PLPPR5: variants seen among roughly 807,000 people sequenced by gnomAD.
The protein encoded by PLPPR5 is phospholipid phosphatase-related protein type 5.
In PLPPR5, 16 loss-of-function variants were observed where a neutral mutation model predicts 33.9. That is an observed-to-expected ratio of 0.47 (90% CI 0.32 to 0.72). The LOEUF (loss-of-function observed/expected upper bound fraction) is 0.72. Ranked by LOEUF, PLPPR5 falls within the 30% of genes least tolerant of loss-of-function variation. The pLI, the probability that PLPPR5 is intolerant of heterozygous loss-of-function variation, is 0.03. For synonymous variants in PLPPR5, 163 were observed against 150.3 expected (o/e 1.08, Z -0.62); for missense variants, 301 against 406.7 (o/e 0.74, Z 2.23).
At chr1:98,916,168 A>C (rs908550340) in intron 4 of PLPPR5, among the ~76,000 whole-genome samples, 1 of 152,210 alleles carries the variant, frequency 6.6e-6, no homozygotes, top group East Asian at 1.9e-4. Flanking sequence ...GTTTTTAAAT[A>C]AAATTTACAA....
chr1:98,941,044 G>C (rs752839041), intron 3 of PLPPR5, among the ~76,000 whole-genome samples: 2 of 151,830 alleles, frequency 1.3e-5, no homozygotes, highest in Non-Finnish European at 2.9e-5. Flanking sequence ...GTCTGGAGCT[G>C]AAGAGAGAGG....
At chr1:98,981,592 C>T (rs1408459684) in intron 1 of PLPPR5, among the ~76,000 whole-genome samples, 1 of 152,042 alleles carries the variant, frequency 6.6e-6, no homozygotes, top group East Asian at 1.9e-4. Flanking sequence ...TATACTAATA[C>T]AGGGATCCTT....
At chr1:98,926,514 C>A (rs895730200) in intron 3 of PLPPR5, among the ~76,000 whole-genome samples, 1 of 147,388 alleles carries the variant, frequency 6.8e-6, no homozygotes, top group African/African-American at 2.5e-5. Context: ...AACTTCATAG[C>A]ATTATTGGTC....
chr1:98,902,404 A>G (rs1448207723), intron 5 of PLPPR5, among the ~76,000 whole-genome samples: 1 of 152,118 alleles, frequency 6.6e-6, no homozygotes, highest in African/African-American at 2.4e-5. Flanking sequence ...CCCCATAGAT[A>G]CTTCCTATTC....
At chr1:98,990,740 C>T (rs1652423019) in intron 1 of PLPPR5, 1 of 151,872 alleles carries the variant, frequency 6.6e-6, no homozygotes, top group African/African-American at 2.4e-5. Context: ...ACTTTATAAC[C>T]TAGGCCTCTA....
chr1:98,968,789 A>G (rs145551256), intron 1 of PLPPR5, among the ~76,000 whole-genome samples: 254 of 152,182 alleles, frequency 1.7e-3, no homozygotes, highest in Middle Eastern at 6.8e-3. Flanking sequence ...GCATCATTTT[A>G]TTGTATTCAG....
In PLPPR5 at chr1:98,939,287, TA is replaced by T. The variant is rs1394977884; in HGVS notation, c.621+13782del. ...GTTATTACTGAAAATAATTTTTCCA[TA>T]TAGAGGAAGGGATGCTAAAAGTGAT... On this transcript the variant is annotated intron_variant, in intron 3 of 5. Transcript: ENST00000263177. Among the ~76,000 whole-genome samples the T allele has an allele frequency of 3.7e-3, 558 of 149,708 alleles. 4 individuals carry two copies. Among genetic ancestry groups the T allele is most frequent in the Admixed American group, 5.7e-3 (85 of 15,038 alleles).
At chr1:98,962,650 T>C (rs946560704) in intron 1 of PLPPR5, among the ~76,000 whole-genome samples, 6 of 152,140 alleles carry the variant, frequency 3.9e-5, no homozygotes, top group African/African-American at 1.2e-4. Context: ...CCAAATTTTC[T>C]TTTCTTTTTC....
intron 1 of PLPPR5, among the ~76,000 whole-genome samples, chr1:99,003,768 G>A (rs143633931): frequency 6.6e-6 from 1 of 152,284 alleles, no homozygotes; most frequent in Non-Finnish European, 1.5e-5. Context: ...CCCAGGGAGC[G>A]GAGCAGCCTT....
intron 1 of PLPPR5, among the ~76,000 whole-genome samples, chr1:98,972,765 T>C (rs1055189297): frequency 2.6e-5 from 4 of 152,038 alleles, no homozygotes; most frequent in African/African-American, 7.2e-5. Context: ...CCTCAAGTGA[T>C]GAATGATTTG....
intron 5 of PLPPR5, among the ~76,000 whole-genome samples, chr1:98,897,366 C>T (rs766235507): frequency 1.4e-4 from 21 of 152,188 alleles, no homozygotes; most frequent in Non-Finnish European, 2.9e-4. Context: ...CTTGACCATT[C>T]TCAACAGGTT....
Position 99,004,655 on chromosome 1 carries a change from G to A in PLPPR5, c.17C>T (p.Ala6Val), listed in dbSNP as rs775194002. The A allele has an allele frequency of 1.2e-6, 2 of 1,611,374 alleles. No homozygotes were observed. The highest frequency in any genetic ancestry group is 1.7e-6 in the Non-Finnish European group (2 of 1,179,144). The change falls in exon 1 of 6, where the codon GCG becomes GTG. Residue 6 changes from alanine (A) to valine (V), a missense_variant. By Grantham distance (64) the Ala-to-Val change is moderately conservative (BLOSUM62 0). Transcript: ENST00000263177. ...ATAGAGCATGCTGCTGGTGAGCGCC[G>A]CGGGCAGCAGGGGCATGCACGCCTC... MPLLP[A>V]ALTSSMLYFQ... is the part of the protein sequence containing the mutation.
At chr1:98,904,465 C>A (rs777522537) in intron 5 of PLPPR5, among the ~76,000 whole-genome samples, 1 of 152,010 alleles carries the variant, frequency 6.6e-6, no homozygotes, top group Non-Finnish European at 1.5e-5. Context: ...TCCCTTAGAT[C>A]TACTGGAAAT....
At chr1:98,935,441 A>G (rs917725961) in intron 3 of PLPPR5, among the ~76,000 whole-genome samples, 2 of 152,166 alleles carry the variant, frequency 1.3e-5, no homozygotes, top group Non-Finnish European at 2.9e-5. Flanking sequence ...ACGACTGTTC[A>G]CCTTTACTAT....
intron 1 of PLPPR5, among the ~76,000 whole-genome samples, chr1:98,958,216 G>A (rs1651089130): frequency 6.6e-6 from 1 of 152,198 alleles, no homozygotes; most frequent in South Asian, 2.1e-4. Context: ...CTGGGGAAAT[G>A]CTTTTGGGAT....
At chr1:99,002,945 C>G (rs1652908706) in intron 1 of PLPPR5, among the ~76,000 whole-genome samples, 1 of 149,392 alleles carries the variant, frequency 6.7e-6, no homozygotes, top group Non-Finnish European at 1.5e-5. Context: ...AAAAGGGCCC[C>G]CAAAAATCGA....
chr1:98,985,089 T>G (rs1422506303), intron 1 of PLPPR5, among the ~76,000 whole-genome samples: 1 of 152,122 alleles, frequency 6.6e-6, no homozygotes, highest in Non-Finnish European at 1.5e-5. Context: ...CTTGGCTTCC[T>G]ACCTACACCT....
intron 1 of PLPPR5, among the ~76,000 whole-genome samples, chr1:98,961,378 T>C (rs938948253): frequency 1.6e-4 from 25 of 152,220 alleles, no homozygotes; most frequent in Non-Finnish European, 3.7e-4. Flanking sequence ...TTTTTCCTAT[T>C]AGCTCTCAGC....
intron 5 of PLPPR5, among the ~76,000 whole-genome samples, chr1:98,914,352 C>T (rs1649261528): frequency 6.6e-6 from 1 of 152,140 alleles, no homozygotes; most frequent in South Asian, 2.1e-4. Context: ...GTGGCATGAT[C>T]TTGGCTCATT....
Sources: gnomAD v4.1 joint callset for allele counts (sites outside exome capture counted in the v4.1 genomes callset) on GRCh38, gnomAD v4.1.1 for gene constraint, MANE v1.5 for transcripts, NCBI Gene and HGNC (gene_info 2026-07-23, HGNC 2026-07-21) for gene names.